CUX2: variants seen among roughly 807,000 people sequenced by gnomAD.
CUX2 encodes the protein homeobox protein cut-like 2.
A neutral mutation model predicts 144.8 loss-of-function variants in CUX2; 40 were observed. That is an observed-to-expected ratio of 0.28 (90% confidence interval 0.21 to 0.36). The LOEUF (loss-of-function observed/expected upper bound fraction) is 0.36. Ranked by LOEUF, CUX2 falls within the 10% of genes least tolerant of loss-of-function variation. The pLI is 1.00. For synonymous variants in CUX2, 827 were observed against 875.6 expected (o/e 0.94, Z 0.98); for missense variants, 1,615 against 1,994.0 (o/e 0.81, Z 3.62).
At chr12:111,100,023 C>T (rs568338621) in intron 1 of CUX2, 16 of 457,068 alleles carry the variant, frequency 3.5e-5, no homozygotes, top group East Asian at 2.1e-4. Context: ...TTTTATTTGC[C>T]GGTGGTGCTG....
intron 1 of CUX2, among the ~76,000 whole-genome samples, chr12:111,062,360 G>T (rs1870818837): frequency 6.6e-6 from 1 of 152,194 alleles, no homozygotes; most frequent in Non-Finnish European, 1.5e-5. Flanking sequence ...TTTATCCGGG[G>T]CTTGTACTAT....
At chr12:111,139,516 T>C (rs1876153022) in intron 1 of CUX2, among the ~76,000 whole-genome samples, 1 of 152,152 alleles carries the variant, frequency 6.6e-6, no homozygotes, top group African/African-American at 2.4e-5. Flanking sequence ...AGCACTGCGT[T>C]GGGACAGATA....
chr12:111,065,208 C>T (rs1164032383), intron 1 of CUX2, among the ~76,000 whole-genome samples: 1 of 152,254 alleles, frequency 6.6e-6, no homozygotes, highest in Non-Finnish European at 1.5e-5. Flanking sequence ...CAGTCTCTAA[C>T]ACAATGACTT....
At chr12:111,149,167 C>T (rs1876884539) in intron 1 of CUX2, among the ~76,000 whole-genome samples, 1 of 152,218 alleles carries the variant, frequency 6.6e-6, no homozygotes. Context: ...AATCTTCAAC[C>T]ATATCATCCT....
At chr12:111,177,813 G>A (rs908172964) in intron 1 of CUX2, among the ~76,000 whole-genome samples, 1 of 152,212 alleles carries the variant, frequency 6.6e-6, no homozygotes, top group Non-Finnish European at 1.5e-5. Flanking sequence ...TAGCATTTGG[G>A]TTTTGCTGTT....
chr12:111,271,719 A>G (rs1443767574), intron 4 of CUX2, among the ~76,000 whole-genome samples: 1 of 152,212 alleles, frequency 6.6e-6, no homozygotes, highest in Non-Finnish European at 1.5e-5. Context: ...AGTTCACTAA[A>G]TATCTTTTCA....
At chr12:111,319,963 GC>G in intron 16 of CUX2, 48 bp from the exon 17 acceptor site, 1 of 1,422,394 alleles carries the variant, frequency 7.0e-7, no homozygotes, top group Non-Finnish European at 9.1e-7. Context: ...TCCCCTGCAT[GC>G]CGAGCCCTGA....
chr12:111,187,829 G>T (rs1423164228), intron 1 of CUX2, among the ~76,000 whole-genome samples: 1 of 152,222 alleles, frequency 6.6e-6, no homozygotes, highest in Non-Finnish European at 1.5e-5. Context: ...GGGGGCAGGG[G>T]TGATGGGGCT....
At chr12:111,290,734 T>A (rs927370090) in intron 4 of CUX2, among the ~76,000 whole-genome samples, 3 of 152,124 alleles carry the variant, frequency 2.0e-5, no homozygotes, top group Non-Finnish European at 4.4e-5. Flanking sequence ...GACTATTTTT[T>A]AAATCTTTTT....
At chr12:111,083,069 C>T (rs542178026) in intron 1 of CUX2, among the ~76,000 whole-genome samples, 7 of 152,202 alleles carry the variant, frequency 4.6e-5, no homozygotes, top group African/African-American at 1.7e-4. Flanking sequence ...GCCTTACTGG[C>T]CACTCCCTTC....
In CUX2 at chr12:111,037,506, G is replaced by T; in HGVS notation, c.63+3266G>T. 6.6e-6 allele frequency among the ~76,000 whole-genome samples: 1 copy of T among 152,198 alleles called. No individual in the cohort carries two copies. Among genetic ancestry groups the T allele is most frequent in the East Asian group, 1.9e-4 (1 of 5,198 alleles). ...TCAACAACCTTAATGACTTTGGGCC[G>T]ATGGTAAAGGTGATCTGACATGTGC... is the stretch of plus-strand genomic sequence containing the variant. On this transcript the variant is annotated intron_variant, in intron 1 of 21. Coordinates refer to ENST00000261726, the MANE Select transcript of CUX2 (RefSeq NM_015267.4). This position sits in a 1 kb window ranked among gnomAD's most constrained non-coding sequence, Gnocchi z 5.4.
chr12:111,215,524 A>C, intron 2 of CUX2, among the ~76,000 whole-genome samples: 1 of 152,232 alleles, frequency 6.6e-6, no homozygotes, highest in East Asian at 1.9e-4. Context: ...GAGAAGGGGC[A>C]TGAATCTCAG....
Position 111,289,015 on chromosome 12 carries a change from C to T in CUX2, c.302-2403C>T, listed in dbSNP as rs571182557. ...GCACACACCTGGAATCCCAGCTACT[C>T]GGGAGGCTGAGTCAGGAACATAGCT... On this transcript the variant is annotated intron_variant, in intron 4 of 21. Coordinates refer to ENST00000261726, the MANE Select transcript of CUX2 (RefSeq NM_015267.4). This position sits in a 1 kb window ranked among gnomAD's most constrained non-coding sequence, Gnocchi z 4.1. 1.6e-4 allele frequency among the ~76,000 whole-genome samples: 25 copies of T among 151,916 alleles called. 1 individual carries two copies. Among genetic ancestry groups the T allele is most frequent in the Non-Finnish European group, 3.1e-4 (21 of 68,000 alleles).
At chr12:111,133,200 A>G (rs1174261645) in intron 1 of CUX2, among the ~76,000 whole-genome samples, 1 of 152,124 alleles carries the variant, frequency 6.6e-6, no homozygotes, top group East Asian at 1.9e-4. Flanking sequence ...TTAGCCCTCT[A>G]AACTGTTCCA....
chr12:111,134,594 TTCTCTCTC>T (rs370486043), intron 1 of CUX2, among the ~76,000 whole-genome samples: 9 of 144,156 alleles, frequency 6.2e-5, no homozygotes, highest in South Asian at 4.5e-4. Context: ...TAAGATCTCT[TTCTCTCTC>T]TCTCTCTCTC....
At chr12:111,138,005 G>C (rs1439579653) in intron 1 of CUX2, among the ~76,000 whole-genome samples, 1 of 152,242 alleles carries the variant, frequency 6.6e-6, no homozygotes. Context: ...TCTGGAAAGA[G>C]ACCGTATGGG....
chr12:111,115,522 T>A (rs1459717331), intron 1 of CUX2, among the ~76,000 whole-genome samples: 1 of 152,100 alleles, frequency 6.6e-6, no homozygotes, highest in East Asian at 1.9e-4. Context: ...CCTGACCTCG[T>A]CATCTGCCCA....
chr12:111,151,639 G>C (rs1006642959), intron 1 of CUX2, among the ~76,000 whole-genome samples: 1 of 152,162 alleles, frequency 6.6e-6, no homozygotes, highest in Non-Finnish European at 1.5e-5. Flanking sequence ...ATCTTGCCGA[G>C]ACTTAGGGGC....
intron 18 of CUX2, among the ~76,000 whole-genome samples, chr12:111,333,509 T>G (rs947169176): frequency 6.6e-6 from 1 of 152,248 alleles, no homozygotes. Context: ...TTTCCAGTGT[T>G]GCCCTTTCTG....
Sources: gnomAD v4.1 joint callset for allele counts (sites outside exome capture counted in the v4.1 genomes callset) on GRCh38, gnomAD v4.1.1 for gene constraint, Gnocchi (gnomAD v3.1) non-coding constraint, MANE v1.5 for transcripts, NCBI Gene and HGNC (gene_info 2026-07-23, HGNC 2026-07-21) for gene names.